Variants in FAT3 observed in about 807,000 individuals in gnomAD.
The protein encoded by FAT3 is protocadherin Fat 3.
Under a neutral mutation model 310.2 loss-of-function variants are expected in FAT3, and 95 were observed. The observed-to-expected ratio is 0.31, with a 90% CI of 0.26 to 0.36. The LOEUF (loss-of-function observed/expected upper bound fraction) is 0.36, where lower values mean the gene tolerates loss of function less well. Among genes scored for constraint, FAT3 ranks in the 10% least tolerant of loss-of-function variants. FAT3 has a pLI of 1.00. For missense variants in FAT3, 5,408 were observed against 5,715.6 expected, an observed-to-expected ratio of 0.95 and a Z score of 1.74; for synonymous variants, 2,314 against 2,192.9, an observed-to-expected ratio of 1.06 and a Z score of -1.54.
At chr11:92,810,201 T>C (rs1348841599) in intron 13 of FAT3, 125 bp downstream of exon 13, 1 of 798,564 alleles carries the variant, frequency 1.3e-6, no homozygotes, top group Non-Finnish European at 2.0e-6. Context: ...AACATGTACA[T>C]TAAACCCCAT....
intron 3 of FAT3, among the ~76,000 whole-genome samples, chr11:92,685,420 G>A (rs1943603620): frequency 6.6e-6 from 1 of 151,922 alleles, no homozygotes; most frequent in South Asian, 2.1e-4. Context: ...AATTCGTTCT[G>A]AATTTGGAAA....
At chr11:92,363,795 T>G (rs1294878009) in intron 2 of FAT3, among the ~76,000 whole-genome samples, 3 of 152,194 alleles carry the variant, frequency 2.0e-5, no homozygotes, top group Admixed American at 6.5e-5. Flanking sequence ...GCTCTAGACT[T>G]TTTGACCATA....
In FAT3 at chr11:92,810,086, T is replaced by C. The variant is rs1947627736; in HGVS notation, c.9481+10T>C. 4 of 1,611,944 alleles carry C rather than the reference T, an allele frequency of 2.5e-6. No individual in the cohort carries two copies. Among genetic ancestry groups the C allele is most frequent in the Non-Finnish European group, 3.4e-6 (4 of 1,178,500 alleles). Reference sequence around the variant, plus strand: ...GTGGACCCCGACATTGGTAAGTCAGTTGCAGGCATCTCCCTGTCACACAGT... The same window carrying C: ...GTGGACCCCGACATTGGTAAGTCAGCTGCAGGCATCTCCCTGTCACACAGT... On this transcript the variant is annotated intron_variant, in intron 13 of 27. Transcript: ENST00000525166.
chr11:92,509,345 A>T (rs569133640), intron 2 of FAT3, among the ~76,000 whole-genome samples: 1 of 152,290 alleles, frequency 6.6e-6, no homozygotes, highest in African/African-American at 2.4e-5. Context: ...TGTCAATTCT[A>T]CTTTTGTGAA....
rs71064714 is a variant in FAT3 at position 92,486,130 on chromosome 11, G to GTTTTTTTTTTTTTTTTTTTTT, written c.3293-38496_3293-38476dup. On this transcript the variant is annotated intron_variant, in intron 2 of 27. Transcript: ENST00000525166. ...GTGAAATAGAGGAGAGGCTGCTGGG[G>GTTTTTTTTTTTTTTTTTTTTT]TTTTTTTTTTTTTTTTTTTTTTTTT... Among the ~76,000 whole-genome samples, 37 of 37,138 alleles carry GTTTTTTTTTTTTTTTTTTTTT rather than the reference G, an allele frequency of 1.0e-3. 3 individuals carry two copies. The highest frequency in any genetic ancestry group is 2.4e-3 in the South Asian group (1 of 418). The allele number at this position is 37,138 out of a possible 152,430, so 24.4% of individuals were successfully genotyped here.
chr11:92,330,923 A>G (rs1947902175), intron 1 of FAT3, among the ~76,000 whole-genome samples: 1 of 151,718 alleles, frequency 6.6e-6, no homozygotes. Context: ...GTAATGGAGT[A>G]AAGGAAGGGA....
At chr11:92,697,552 A>G in intron 4 of FAT3, 107 bp downstream of exon 4, 1 of 1,084,642 alleles carries the variant, frequency 9.2e-7, no homozygotes, top group East Asian at 2.4e-5. Flanking sequence ...TGGATATCAA[A>G]GTGAAGATAT....
At chr11:92,626,758 A>G (rs1260585736) in intron 3 of FAT3, among the ~76,000 whole-genome samples, 1 of 152,320 alleles carries the variant, frequency 6.6e-6, no homozygotes, top group East Asian at 1.9e-4. Context: ...GCCTAGAGTA[A>G]GTGAGATGGC....
At chr11:92,256,895 G>T (rs936159207) in intron 1 of FAT3, among the ~76,000 whole-genome samples, 1 of 152,042 alleles carries the variant, frequency 6.6e-6, no homozygotes, top group African/African-American at 2.4e-5. Flanking sequence ...GTGTACTCTT[G>T]ACCACAATTA....
At chr11:92,782,405 A>C (rs529527241) in intron 7 of FAT3, among the ~76,000 whole-genome samples, 60 of 152,170 alleles carry the variant, frequency 3.9e-4, no homozygotes, top group African/African-American at 1.4e-3. Flanking sequence ...AGACCAGCCC[A>C]GTATTTACAA....
At chr11:92,878,634 T>TAA (rs145900689) in intron 22 of FAT3, among the ~76,000 whole-genome samples, 329 of 20,940 alleles carry the variant, frequency 0.016, 32 homozygotes, top group Non-Finnish European at 0.021. Flanking sequence ...TGTTATGTGT[T>TAA]AAAAAAAAAA....
intron 3 of FAT3, among the ~76,000 whole-genome samples, chr11:92,613,370 A>G (rs1256891842): frequency 6.7e-6 from 1 of 148,404 alleles, no homozygotes; most frequent in Non-Finnish European, 1.5e-5. Context: ...GAATGAGACT[A>G]TTGAGTTCAA....
intron 2 of FAT3, among the ~76,000 whole-genome samples, chr11:92,475,740 T>G (rs1418031722): frequency 2.0e-5 from 3 of 152,196 alleles, no homozygotes; most frequent in African/African-American, 7.2e-5. Flanking sequence ...TTTTAAAAAG[T>G]TTTAATTATC....
At chr11:92,869,321 C>T (rs1949327599) in intron 22 of FAT3, among the ~76,000 whole-genome samples, 1 of 152,222 alleles carries the variant, frequency 6.6e-6, no homozygotes, top group South Asian at 2.1e-4. Flanking sequence ...TCAGTAGACA[C>T]CCGGACGTGT....
intron 19 of FAT3, among the ~76,000 whole-genome samples, chr11:92,856,662 C>G (rs2136321007): frequency 6.6e-6 from 1 of 152,204 alleles, no homozygotes; most frequent in Non-Finnish European, 1.5e-5. Flanking sequence ...AATAACATAG[C>G]ATGTAGTAGA....
chr11:92,592,090 G>A (rs573326914), intron 3 of FAT3, among the ~76,000 whole-genome samples: 1 of 152,024 alleles, frequency 6.6e-6, no homozygotes, highest in Admixed American at 6.6e-5. Context: ...AACGAGAAAC[G>A]ATGAGGTGGG....
rs1179885743 is a variant in FAT3, at chr11:92,894,336, C to A, written c.*3223C>A. On this transcript the variant is annotated 3_prime_UTR_variant, in exon 28 of 28. Coordinates refer to ENST00000525166, the MANE Select transcript of FAT3 (RefSeq NM_001367949.2). ...CAGTTGTAGTGAAACTTTGATTATA[C>A]TGTTACCTACTGGTTGCATTTTTGG... 1.3e-5 allele frequency: 2 copies of A among 152,228 alleles called. No individual in the cohort carries two copies. Among genetic ancestry groups the A allele is most frequent in the Non-Finnish European group, 2.9e-5 (2 of 68,044 alleles). The allele number at this position is 152,228 out of a possible 1,614,324, so 9.4% of individuals were successfully genotyped here.
At chr11:92,457,855 G>A (rs1951533695) in intron 2 of FAT3, among the ~76,000 whole-genome samples, 1 of 152,162 alleles carries the variant, frequency 6.6e-6, no homozygotes, top group Admixed American at 6.5e-5. Context: ...CCAGGAGGGG[G>A]AGGTTGCAGT....
rs143229130 is a variant in FAT3 at position 92,366,617 on chromosome 11, C to A, written c.3292+11213C>A. On this transcript the variant is annotated intron_variant, in intron 2 of 27. Coordinates refer to ENST00000525166, the MANE Select transcript of FAT3 (RefSeq NM_001367949.2). ...CCAATTCATAGACAATGGGAATAAC[C>A]AGTTGACAGGTTCAGCTCCATGATA... 215 of 531,552 alleles carry A rather than the reference C, an allele frequency of 4.0e-4. 1 individual carries two copies. Among genetic ancestry groups the A allele is most frequent in the African/African-American group, 3.7e-3 (195 of 52,012 alleles). The allele number at this position is 531,552 out of a possible 1,614,324, so 32.9% of individuals were successfully genotyped here.
Sources: allele counts gnomAD v4.1 joint callset (sites outside exome capture counted in the v4.1 genomes callset), GRCh38; gene constraint gnomAD v4.1.1; transcripts MANE v1.5; gene names NCBI Gene and HGNC (gene_info 2026-07-23, HGNC 2026-07-21).